Variants in COL24A1 observed in about 807,000 individuals in gnomAD.
COL24A1 encodes the protein collagen alpha-1(XXIV) chain.
Under a neutral mutation model 253.9 loss-of-function variants are expected in COL24A1, and 224 were observed. That is an observed-to-expected ratio of 0.88 (90% CI 0.79 to 0.99). COL24A1 has a LOEUF of 0.99. COL24A1 is among the 50% of genes least tolerant of loss of function. COL24A1 has a pLI of 0.00. For synonymous variants in COL24A1, 685 were observed against 673.7 expected, an observed-to-expected ratio of 1.02 and a Z score of -0.26; for missense variants, 2,131 against 2,068.5, an observed-to-expected ratio of 1.03 and a Z score of -0.59.
At chr1:85,903,448 T>G (rs1022982695) in intron 28 of COL24A1, among the ~76,000 whole-genome samples, 14 of 152,180 alleles carry the variant, frequency 9.2e-5, no homozygotes, top group African/African-American at 3.4e-4. Context: ...CAAAATAAGC[T>G]TTACGACAGG....
Position 86,156,693 on chromosome 1 carries a change from C to A in COL24A1, c.-297G>T. On this transcript the variant is annotated 5_prime_UTR_variant, in exon 1 of 60. Coordinates refer to ENST00000370571, the MANE Select transcript of COL24A1 (RefSeq NM_152890.7). ...TAAACCTCACTGGGAGGCCTCGGGG[C>A]GCCGGCGGCAGCGGGAGCCGGGCTG... The A allele has an allele frequency of 3.8e-6, 1 of 266,228 alleles. No individual in the cohort carries two copies. Among genetic ancestry groups the A allele is most frequent in the Non-Finnish European group, 7.0e-6 (1 of 142,394 alleles). 16.5% of individuals were successfully genotyped at this position (266,228 alleles called of 1,614,324 possible). A position where few individuals can be genotyped will look rare whatever the true frequency, so the allele number is the denominator to read the frequency against.
At chr1:85,846,701 T>C (rs2102299488) in intron 39 of COL24A1, among the ~76,000 whole-genome samples, 1 of 152,070 alleles carries the variant, frequency 6.6e-6, no homozygotes, top group South Asian at 2.1e-4. Flanking sequence ...ATGTTGATGG[T>C]GGGAGTGCAA....
At chr1:86,029,091 C>T (rs1311885703) in intron 14 of COL24A1, among the ~76,000 whole-genome samples, 1 of 151,990 alleles carries the variant, frequency 6.6e-6, no homozygotes, top group Non-Finnish European at 1.5e-5. Flanking sequence ...CTTTTGCCTA[C>T]TTCCTTACTC....
At chr1:86,019,960 A>C (rs1697344196) in intron 18 of COL24A1, among the ~76,000 whole-genome samples, 1 of 152,084 alleles carries the variant, frequency 6.6e-6, no homozygotes, top group South Asian at 2.1e-4. Context: ...ACTAGGAGGA[A>C]TATTAGTAAG....
intron 37 of COL24A1, among the ~76,000 whole-genome samples, chr1:85,861,725 C>T (rs1393924811): frequency 2.0e-5 from 3 of 151,890 alleles, no homozygotes; most frequent in Non-Finnish European, 2.9e-5. Context: ...TCCTGTAATT[C>T]GTTTCATTTC....
chr1:86,059,920 C>T (rs182525539), intron 8 of COL24A1, among the ~76,000 whole-genome samples: 1 of 152,228 alleles, frequency 6.6e-6, no homozygotes, highest in Admixed American at 6.5e-5. Context: ...CCACCAGAAC[C>T]TAACCGGGCT....
At chr1:85,881,952 T>C (rs1225083442) in intron 32 of COL24A1, among the ~76,000 whole-genome samples, 1 of 152,230 alleles carries the variant, frequency 6.6e-6, no homozygotes, top group Non-Finnish European at 1.5e-5. Context: ...TAAGTATTTC[T>C]TCTTTCCTCT....
At chr1:86,121,768 G>A (rs1647394967) in intron 3 of COL24A1, among the ~76,000 whole-genome samples, 1 of 152,036 alleles carries the variant, frequency 6.6e-6, no homozygotes, top group Admixed American at 6.6e-5. Flanking sequence ...AAACTTGTAT[G>A]CCTGAAGAAT....
chr1:85,907,232 T>C lies in COL24A1; in HGVS notation c.2740A>G (p.Arg914Gly). The C allele has an allele frequency of 6.2e-7, 1 of 1,611,450 alleles. No homozygotes were observed. Among genetic ancestry groups the C allele is most frequent in the Non-Finnish European group, 8.5e-7 (1 of 1,178,102 alleles). ...GGACCTTGACTCCCAGGTGGTCCTC[T>C]TGCCCCCACATGACCCTATATGTTG... ...PLGLPGHVGA[R>G]GPPGSQGPKG... Residue 914 changes from arginine (R) to glycine (G), a missense_variant, in exon 28 of 60, where the codon AGA (arginine) becomes GGA (glycine). Physicochemically the swap from Arg to Gly is moderately radical, Grantham distance 125. Transcript: ENST00000370571.
chr1:86,042,252 A>C (rs1157518557), intron 12 of COL24A1, among the ~76,000 whole-genome samples: 1 of 152,198 alleles, frequency 6.6e-6, no homozygotes, highest in African/African-American at 2.4e-5. Context: ...TGCCAACAGT[A>C]TAAGACCAAG....
intron 2 of COL24A1, among the ~76,000 whole-genome samples, chr1:86,141,321 T>A (rs1651042361): frequency 6.6e-6 from 1 of 152,128 alleles, no homozygotes; most frequent in African/African-American, 2.4e-5. Flanking sequence ...GGGTGGAGGA[T>A]TGAAAGTTTG....
chr1:86,079,317 G>A (rs560954607), intron 7 of COL24A1, among the ~76,000 whole-genome samples: 1 of 152,256 alleles, frequency 6.6e-6, no homozygotes, highest in Non-Finnish European at 1.5e-5. Flanking sequence ...ATAGATTAAA[G>A]ACTTAAATCT....
intron 2 of COL24A1, among the ~76,000 whole-genome samples, chr1:86,143,810 T>C (rs2102404179): frequency 6.6e-6 from 1 of 152,216 alleles, no homozygotes; most frequent in East Asian, 1.9e-4. Flanking sequence ...TTTGATATAC[T>C]TTTTTAAGTT....
Position 85,997,055 on chromosome 1 carries a change from G to GTGTGTATATATA in COL24A1, c.2311-9402_2311-9401insTATATATACACA. Reference sequence around the variant, plus strand: ...TATATATATATATGTGTGTGTGTGTGTATATATATATATATATATATATAT... The same window carrying GTGTGTATATATA: ...TATATATATATATGTGTGTGTGTGTGTGTGTATATATATATATATATATATATATATATATAT... On this transcript the variant is annotated intron_variant, in intron 19 of 59. Transcript: ENST00000370571. Among the ~76,000 whole-genome samples the GTGTGTATATATA allele has an allele frequency of 1.7e-4, 16 of 95,120 alleles. No homozygotes were observed. In the South Asian group the frequency reaches 4.2e-3, roughly 25 times the overall value. The allele number at this position is 95,120 out of a possible 152,430, so 62.4% of individuals were successfully genotyped here.
chr1:85,736,665 G>A, intron 58 of COL24A1: 2 of 352,408 alleles, frequency 5.7e-6, no homozygotes, highest in South Asian at 4.4e-5. Flanking sequence ...TTTATCTGCT[G>A]TCTTTTTATG....
intron 13 of COL24A1, 41 bp from the exon 14 acceptor site, chr1:86,031,963 C>A (rs1003146765): frequency 6.7e-7 from 1 of 1,497,934 alleles, no homozygotes. Context: ...AAATTTGATT[C>A]CCAACTACTA....
chr1:85,739,964 G>A (rs775694630), intron 57 of COL24A1, among the ~76,000 whole-genome samples: 2 of 151,820 alleles, frequency 1.3e-5, no homozygotes, highest in African/African-American at 2.4e-5. Flanking sequence ...CACTTTCATC[G>A]GGACCTACTA....
At chr1:85,868,758 T>A (rs1456947551) in intron 36 of COL24A1, 24 bp downstream of exon 36, 12 of 1,471,810 alleles carry the variant, frequency 8.2e-6, no homozygotes, top group Non-Finnish European at 1.1e-5. Context: ...CTATTTTATA[T>A]ATAATCTTAA....
chr1:85,884,023 G>A lies in COL24A1; in HGVS notation c.2976+5537C>T, dbSNP rs948039101. On this transcript the variant is annotated intron_variant, in intron 32 of 59. Transcript: ENST00000370571. The stretch of plus-strand genomic sequence containing the variant: ...TTCCTTCGCCAACACTCCTTTCCTA[G>A]ATGAGTTTCTTACCTATGCCACTTT... Among the ~76,000 whole-genome samples, 14 of 152,180 alleles carry A rather than the reference G, an allele frequency of 9.2e-5. No individual in the cohort carries two copies. In the South Asian group the frequency reaches 2.9e-3, roughly 32 times the overall value.
Sources: gnomAD v4.1 joint callset for allele counts (sites outside exome capture counted in the v4.1 genomes callset) on GRCh38, gnomAD v4.1.1 for gene constraint, MANE v1.5 for transcripts, NCBI Gene and HGNC (gene_info 2026-07-23, HGNC 2026-07-21) for gene names.